LRRC4C: variants seen among roughly 807,000 people sequenced by gnomAD.
LRRC4C encodes the protein leucine rich repeat containing 4C.
A neutral mutation model predicts 33.6 loss-of-function variants in LRRC4C; 5 were observed. The ratio of observed to expected loss-of-function variants is 0.15; its 90% CI spans 0.08 to 0.31. The LOEUF (loss-of-function observed/expected upper bound fraction) is 0.31. LRRC4C is among the 10% of genes least tolerant of loss of function. The probability of loss-of-function intolerance (pLI) is 1.00; values close to 1 mark genes in which losing one functional copy is unlikely to be tolerated. For synonymous variants in LRRC4C, 329 were observed against 302.0 expected, an observed-to-expected ratio of 1.09 and a Z score of -0.93; for missense variants, 560 against 796.7, an observed-to-expected ratio of 0.70 and a Z score of 3.58.
At chr11:40,575,419 G>C (rs1450013624) in intron 3 of LRRC4C, among the ~76,000 whole-genome samples, 2 of 151,556 alleles carry the variant, frequency 1.3e-5, no homozygotes, top group African/African-American at 2.4e-5. Context: ...CTGAGATTGA[G>C]AGGTTTTCTT....
At chr11:41,130,648 GA>G (rs1209884879) in intron 1 of LRRC4C, among the ~76,000 whole-genome samples, 4 of 151,762 alleles carry the variant, frequency 2.6e-5, no homozygotes, top group African/African-American at 7.3e-5. Flanking sequence ...TTTGATTCAA[GA>G]AAAAAATGCA....
chr11:40,694,053 A>C (rs536272678), intron 2 of LRRC4C, among the ~76,000 whole-genome samples: 1 of 152,284 alleles, frequency 6.6e-6, no homozygotes, highest in Admixed American at 6.5e-5. Flanking sequence ...GGGAGATGAA[A>C]GGCAAAGCAT....
chr11:40,665,688 T>G (rs1450204479), intron 2 of LRRC4C, among the ~76,000 whole-genome samples: 11 of 152,080 alleles, frequency 7.2e-5, no homozygotes, highest in African/African-American at 2.4e-4. Context: ...TGTAAAATTT[T>G]TAAATGCTTT....
At chr11:41,340,502 C>A (rs1250055447) in intron 1 of LRRC4C, among the ~76,000 whole-genome samples, 1 of 152,020 alleles carries the variant, frequency 6.6e-6, no homozygotes, top group Admixed American at 6.6e-5. Flanking sequence ...GGTTAGGGAA[C>A]CTTATGTGTA....
At chr11:40,652,591 G>A (rs1942872479) in intron 2 of LRRC4C, among the ~76,000 whole-genome samples, 1 of 152,144 alleles carries the variant, frequency 6.6e-6, no homozygotes. Flanking sequence ...TCATTTAATA[G>A]ATGGAAAACA....
chr11:40,353,613 C>T (rs995902940), intron 3 of LRRC4C, among the ~76,000 whole-genome samples: 2 of 152,082 alleles, frequency 1.3e-5, no homozygotes, highest in African/African-American at 4.8e-5. Context: ...ATTTGGGAGG[C>T]TGAGTCATGA....
At chr11:41,100,831 C>T (rs921685512) in intron 1 of LRRC4C, among the ~76,000 whole-genome samples, 1 of 151,964 alleles carries the variant, frequency 6.6e-6, no homozygotes, top group Admixed American at 6.6e-5. Context: ...ATGGTACTGG[C>T]ACAAAAACAG....
intron 1 of LRRC4C, among the ~76,000 whole-genome samples, chr11:41,425,118 A>C (rs1590241287): frequency 6.6e-6 from 1 of 152,196 alleles, no homozygotes; most frequent in African/African-American, 2.4e-5. Flanking sequence ...TTAAATCCTC[A>C]CTTTTCCCAG....
intron 5 of LRRC4C, among the ~76,000 whole-genome samples, chr11:40,189,502 C>G (rs1263159179): frequency 2.0e-5 from 3 of 152,172 alleles, no homozygotes; most frequent in African/African-American, 7.2e-5. Context: ...AAAGCAGCAT[C>G]ATGATCCCTT....
intron 2 of LRRC4C, among the ~76,000 whole-genome samples, chr11:40,797,335 G>C (rs956981628): frequency 6.6e-6 from 1 of 152,022 alleles, no homozygotes; most frequent in Admixed American, 6.5e-5. Flanking sequence ...TGTTACTGTG[G>C]GGCATCTGAG....
intron 3 of LRRC4C, among the ~76,000 whole-genome samples, chr11:40,360,842 A>G (rs1217331738): frequency 6.6e-6 from 1 of 152,204 alleles, no homozygotes; most frequent in Non-Finnish European, 1.5e-5. Context: ...TCAATGTAAA[A>G]ATTCTCAACA....
rs112247202 is a variant in LRRC4C, at chr11:40,671,108, T to C, written c.-406-22830A>G. Among the ~76,000 whole-genome samples, 550 of 152,286 alleles carry C rather than the reference T, an allele frequency of 3.6e-3. 6 individuals carry two copies. The highest frequency in any genetic ancestry group is 0.013 in the African/African-American group (527 of 41,552). ...GCACAAATTTGGGGTGAGAAATGTGTATGGATTGTAGCGTTTTAAAAAAGT... is the reference window on the plus strand; with the variant it reads ...GCACAAATTTGGGGTGAGAAATGTGCATGGATTGTAGCGTTTTAAAAAAGT... On this transcript the variant is annotated intron_variant, in intron 2 of 6. Transcript: ENST00000528697.
intron 4 of LRRC4C, among the ~76,000 whole-genome samples, chr11:40,279,623 A>T (rs1164778178): frequency 1.3e-5 from 2 of 152,202 alleles, no homozygotes; most frequent in Non-Finnish European, 2.9e-5. Context: ...CTAACTCACT[A>T]CAATCCTGCA....
intron 1 of LRRC4C, among the ~76,000 whole-genome samples, chr11:41,336,432 A>G (rs2053094311): frequency 7.9e-6 from 1 of 126,516 alleles, no homozygotes; most frequent in African/African-American, 2.8e-5. Flanking sequence ...AAAAAAAAAT[A>G]AAAGGTGGGG....
At chr11:40,793,815 T>A (rs537539650) in intron 2 of LRRC4C, among the ~76,000 whole-genome samples, 1 of 152,240 alleles carries the variant, frequency 6.6e-6, no homozygotes, top group Non-Finnish European at 1.5e-5. Flanking sequence ...TCTTTGTGCT[T>A]TTATGTACTT....
intron 4 of LRRC4C, chr11:40,292,844 C>CAAT (rs1481666251): frequency 6.6e-6 from 1 of 152,154 alleles, no homozygotes; most frequent in African/African-American, 2.4e-5. Context: ...ATCAGTTTAT[C>CAAT]CATTGCGTTC....
intron 3 of LRRC4C, among the ~76,000 whole-genome samples, chr11:40,640,805 G>A (rs1023325658): frequency 6.6e-6 from 1 of 151,990 alleles, no homozygotes; most frequent in East Asian, 1.9e-4. Context: ...ACGAGGTCAG[G>A]AGATCGAGAG....
At chr11:40,650,881 A>G (rs1341350595) in intron 2 of LRRC4C, among the ~76,000 whole-genome samples, 1 of 152,124 alleles carries the variant, frequency 6.6e-6, no homozygotes, top group Non-Finnish European at 1.5e-5. Context: ...CTTGTTCCCA[A>G]AAATAGCCAG....
chr11:40,491,561 C>G (rs1954157849), intron 3 of LRRC4C, among the ~76,000 whole-genome samples: 1 of 152,038 alleles, frequency 6.6e-6, no homozygotes, highest in Admixed American at 6.6e-5. Flanking sequence ...GAATGCGTAC[C>G]TCAGCTCTTA....
Sources: allele counts gnomAD v4.1 joint callset (sites outside exome capture counted in the v4.1 genomes callset), GRCh38; gene constraint gnomAD v4.1.1; transcripts MANE v1.5; gene names NCBI Gene and HGNC (gene_info 2026-07-23, HGNC 2026-07-21).